The following SLC24A4 variants were observed in gnomAD, a reference collection of about 807,000 sequenced individuals.
SLC24A4 encodes solute carrier family 24 member 4.
In SLC24A4, 53 loss-of-function variants were observed where a neutral mutation model predicts 79.0. The observed-to-expected ratio is 0.67, with a 90% CI of 0.54 to 0.84. SLC24A4 has a LOEUF of 0.84. Ranked by LOEUF, SLC24A4 falls within the 40% of genes least tolerant of loss-of-function variation. SLC24A4 has a pLI of 0.00. For synonymous variants in SLC24A4, 323 were observed against 323.8 expected, an observed-to-expected ratio of 1.00 and a Z score of 0.03; for missense variants, 731 against 822.0, an observed-to-expected ratio of 0.89 and a Z score of 1.35.
intron 2 of SLC24A4, among the ~76,000 whole-genome samples, chr14:92,333,587 A>G (rs760464395): frequency 3.7e-4 from 57 of 152,120 alleles, no homozygotes; most frequent in African/African-American, 6.8e-4. Flanking sequence ...TCTTCCAAAT[A>G]CATCTTCTGA....
intron 2 of SLC24A4, among the ~76,000 whole-genome samples, chr14:92,379,074 A>T (rs548196384): frequency 1.3e-5 from 2 of 152,260 alleles, no homozygotes; most frequent in South Asian, 4.1e-4. Flanking sequence ...AAATCAATAA[A>T]TAGCTAGCTA....
At chr14:92,464,590 A>C (rs12436100) in intron 12 of SLC24A4, among the ~76,000 whole-genome samples, 21,042 of 151,898 alleles carry the variant, frequency 0.14, 1,566 homozygotes, top group East Asian at 0.23. Flanking sequence ...AGCATCCCCC[A>C]GCCCTGCTGG....
chr14:92,386,528 G>T (rs1324250474), intron 2 of SLC24A4, among the ~76,000 whole-genome samples: 1 of 152,178 alleles, frequency 6.6e-6, no homozygotes, highest in Admixed American at 6.5e-5. Context: ...TCTTCTGGGT[G>T]ATGGGGCATT....
intron 2 of SLC24A4, among the ~76,000 whole-genome samples, chr14:92,328,538 GA>G (rs1052717548): frequency 6.6e-6 from 1 of 152,234 alleles, no homozygotes; most frequent in Non-Finnish European, 1.5e-5. Context: ...AGCAGAAATA[GA>G]AATTTAGTGG....
At chr14:92,376,062 C>T (rs1017766110) in intron 2 of SLC24A4, among the ~76,000 whole-genome samples, 20 of 152,332 alleles carry the variant, frequency 1.3e-4, no homozygotes, top group African/African-American at 4.6e-4. Flanking sequence ...AACACACTTA[C>T]TATTTCTTCT....
At chr14:92,466,418 C>G (rs539225689) in intron 12 of SLC24A4, among the ~76,000 whole-genome samples, 32 of 152,116 alleles carry the variant, frequency 2.1e-4, no homozygotes, top group Non-Finnish European at 3.7e-4. Context: ...TAAATGCTTT[C>G]CTAAGCATCC....
At chr14:92,370,516 A>G (rs138187828) in intron 2 of SLC24A4, among the ~76,000 whole-genome samples, 1 of 152,330 alleles carries the variant, frequency 6.6e-6, no homozygotes, top group East Asian at 1.9e-4. Flanking sequence ...TCACTCATTC[A>G]TTTACTCATT....
intron 2 of SLC24A4, among the ~76,000 whole-genome samples, chr14:92,359,777 C>T (rs1357099280): frequency 2.0e-5 from 3 of 152,226 alleles, no homozygotes; most frequent in African/African-American, 4.8e-5. Context: ...CACACCCCTC[C>T]GCTTCCCCCA....
intron 3 of SLC24A4, among the ~76,000 whole-genome samples, chr14:92,436,972 C>T (rs967501457): frequency 6.6e-6 from 1 of 152,216 alleles, no homozygotes; most frequent in East Asian, 1.9e-4. Context: ...ATACCTGCCT[C>T]AGATGCCCTG....
chr14:92,375,625 A>G (rs1888456303), intron 2 of SLC24A4, among the ~76,000 whole-genome samples: 1 of 152,254 alleles, frequency 6.6e-6, no homozygotes, highest in South Asian at 2.1e-4. Context: ...ATTCAGCCTT[A>G]AAAGGAAGGA....
chr14:92,324,071 G>A, intron 1 of SLC24A4, 111 bp downstream of exon 1: 1 of 1,423,232 alleles, frequency 7.0e-7, no homozygotes, highest in Middle Eastern at 1.8e-4. Context: ...TTGGTCCCAA[G>A]GGTTCATCCA....
chr14:92,434,402 G>C (rs552447715), intron 3 of SLC24A4, among the ~76,000 whole-genome samples: 2 of 152,268 alleles, frequency 1.3e-5, no homozygotes, highest in East Asian at 3.8e-4. Context: ...TCACTATGTA[G>C]ATGGTCCCCA....
chr14:92,385,511 T>TCATG (rs1889103875), intron 2 of SLC24A4, among the ~76,000 whole-genome samples: 1 of 132,722 alleles, frequency 7.5e-6, no homozygotes, highest in Admixed American at 7.2e-5. Context: ...AAAAAAAAAA[T>TCATG]CATGCAATGT....
At chr14:92,375,115 T>C (rs1245267817) in intron 2 of SLC24A4, among the ~76,000 whole-genome samples, 1 of 152,260 alleles carries the variant, frequency 6.6e-6, no homozygotes, top group Non-Finnish European at 1.5e-5. Context: ...TCCAACTTTT[T>C]ACCCAGTTCT....
intron 3 of SLC24A4, among the ~76,000 whole-genome samples, chr14:92,438,373 G>A (rs1250116953): frequency 3.3e-5 from 5 of 152,164 alleles, no homozygotes; most frequent in Admixed American, 3.3e-4. Flanking sequence ...GGAGGCTGAG[G>A]TCAGAGGAGC....
chr14:92,343,585 T>TTTCTTTCTTTCTTTCC (rs1491504106), intron 2 of SLC24A4, among the ~76,000 whole-genome samples: 41 of 57,820 alleles, frequency 7.1e-4, no homozygotes, highest in African/African-American at 2.8e-3. Flanking sequence ...TACTGTTTTC[T>TTTCTTTCTTTCTTTCC]TTCTTTCTTT....
chr14:92,434,883 C>T lies in SLC24A4; in HGVS notation c.318+895C>T, dbSNP rs33999353. Among the ~76,000 whole-genome samples the T allele has an allele frequency of 2.4e-3, 359 of 152,300 alleles. 2 individuals are homozygous for T. The highest frequency in any genetic ancestry group is 3.9e-3 in the Non-Finnish European group (268 of 68,028). Reference sequence around the variant, plus strand: ...CTGCCTCCTGGGTTCAAAAGATTCTCCTGCCTCAGCCTCCCAAGTAGCTGG... The same window carrying T: ...CTGCCTCCTGGGTTCAAAAGATTCTTCTGCCTCAGCCTCCCAAGTAGCTGG... On this transcript the variant is annotated intron_variant, in intron 3 of 16. Coordinates refer to ENST00000532405, the MANE Select transcript of SLC24A4 (RefSeq NM_153646.4).
chr14:92,410,624 C>T (rs975645383), intron 2 of SLC24A4, among the ~76,000 whole-genome samples: 3 of 152,150 alleles, frequency 2.0e-5, no homozygotes, highest in Admixed American at 6.5e-5. Context: ...TCTCCCACAC[C>T]CTTTACATAA....
chr14:92,425,313 A>T (rs1356405343), intron 2 of SLC24A4, among the ~76,000 whole-genome samples: 3 of 152,252 alleles, frequency 2.0e-5, no homozygotes, highest in African/African-American at 7.2e-5. Flanking sequence ...TGACTAATAC[A>T]TCTTATTTCC....
Sources: allele counts gnomAD v4.1 joint callset (sites outside exome capture counted in the v4.1 genomes callset), GRCh38; gene constraint gnomAD v4.1.1; transcripts MANE v1.5; gene names NCBI Gene and HGNC (gene_info 2026-07-23, HGNC 2026-07-21).